RBM20: variants seen among roughly 807,000 people sequenced by gnomAD.
The protein encoded by RBM20 is RNA binding motif protein 20.
Under a neutral mutation model 110.1 loss-of-function variants are expected in RBM20, and 51 were observed. The ratio of observed to expected loss-of-function variants is 0.46; its 90% CI spans 0.37 to 0.59. RBM20 has a LOEUF of 0.59. RBM20 is among the 20% of genes least tolerant of loss of function. The probability of loss-of-function intolerance (pLI) is 0.00; values close to 1 mark genes in which losing one functional copy is unlikely to be tolerated. For missense variants in RBM20, 1,512 were observed against 1,574.9 expected, an observed-to-expected ratio of 0.96 and a Z score of 0.68; for synonymous variants, 589 against 618.2, an observed-to-expected ratio of 0.95 and a Z score of 0.70.
At chr10:110,711,651 G>C (rs1862931007) in intron 1 of RBM20, among the ~76,000 whole-genome samples, 2 of 152,320 alleles carry the variant, frequency 1.3e-5, no homozygotes, top group Admixed American at 1.3e-4. Context: ...AAAAAACGAA[G>C]GCATTCTATG....
intron 1 of RBM20, among the ~76,000 whole-genome samples, chr10:110,757,542 G>C (rs1409983755): frequency 6.6e-6 from 1 of 152,186 alleles, no homozygotes. Flanking sequence ...CTTAAACTTA[G>C]GATAGATTCC....
At chr10:110,823,675 A>G in intron 12 of RBM20, 61 bp downstream of exon 12, 1 of 1,515,210 alleles carries the variant, frequency 6.6e-7, no homozygotes, top group African/African-American at 1.4e-5. Context: ...TTCCATAGCA[A>G]CCTCAAGAGC....
chr10:110,715,376 TCACA>T (rs1366337365), intron 1 of RBM20, among the ~76,000 whole-genome samples: 1 of 152,246 alleles, frequency 6.6e-6, no homozygotes, highest in Non-Finnish European at 1.5e-5. Context: ...TCTTGTGTCA[TCACA>T]CTGTCTGCAG....
intron 1 of RBM20, among the ~76,000 whole-genome samples, chr10:110,734,671 C>A (rs1308812866): frequency 6.7e-6 from 1 of 149,740 alleles, no homozygotes; most frequent in Non-Finnish European, 1.5e-5. Flanking sequence ...CCCCCCAACC[C>A]ATTGAGGTCA....
chr10:110,746,009 A>T (rs1186438816), intron 1 of RBM20, among the ~76,000 whole-genome samples: 3 of 152,130 alleles, frequency 2.0e-5, no homozygotes, highest in Non-Finnish European at 4.4e-5. Context: ...ATTATTTCTC[A>T]TGATTCTGTG....
intron 1 of RBM20, among the ~76,000 whole-genome samples, chr10:110,726,736 C>T (rs776949463): frequency 3.9e-5 from 6 of 152,184 alleles, no homozygotes; most frequent in Non-Finnish European, 8.8e-5. Context: ...TCCTACAGCA[C>T]TTACTGAAAG....
intron 9 of RBM20, among the ~76,000 whole-genome samples, chr10:110,817,870 A>G (rs1844859565): frequency 6.6e-6 from 1 of 152,166 alleles, no homozygotes; most frequent in South Asian, 2.1e-4. Context: ...GAGTAACAGG[A>G]GGTGAGGCTG....
intron 1 of RBM20, among the ~76,000 whole-genome samples, chr10:110,722,715 G>A (rs1843522478): frequency 6.6e-6 from 1 of 152,086 alleles, no homozygotes; most frequent in African/African-American, 2.4e-5. Context: ...TTCTATTTGT[G>A]CCCCAGGTAA....
chr10:110,822,686 G>A (rs751312231), intron 11 of RBM20, among the ~76,000 whole-genome samples: 2 of 152,190 alleles, frequency 1.3e-5, no homozygotes, highest in African/African-American at 2.4e-5. Flanking sequence ...AGAGGTTGAA[G>A]TGAGAGTCAG....
In RBM20 at chr10:110,658,417, C is replaced by T. The variant is rs528093511; in HGVS notation, c.191+13772C>T. Among the ~76,000 whole-genome samples, 3 of 152,298 alleles carry T rather than the reference C, an allele frequency of 2.0e-5. No individual in the cohort carries two copies. The East Asian group carries it at 5.8e-4, about 29-fold the overall frequency. The stretch of plus-strand genomic sequence containing the variant: ...TATCCCAGTTAATCCTCCAACAACC[C>T]TGTGAAGTAGGTAGGGACTAAGTAA... On this transcript the variant is annotated intron_variant, in intron 1 of 13. Coordinates refer to ENST00000369519, the MANE Select transcript of RBM20 (RefSeq NM_001134363.3).
intron 1 of RBM20, among the ~76,000 whole-genome samples, chr10:110,655,363 ACT>A (rs758317122): frequency 6.8e-6 from 1 of 146,160 alleles, no homozygotes; most frequent in Non-Finnish European, 1.5e-5. Context: ...AACAAATCTG[ACT>A]CTGGCATTTG....
chr10:110,736,874 G>A (rs945042421), intron 1 of RBM20, among the ~76,000 whole-genome samples: 10 of 151,944 alleles, frequency 6.6e-5, no homozygotes, highest in African/African-American at 2.2e-4. Context: ...TGGGATTAGT[G>A]CTCTTATAAA....
intron 5 of RBM20, among the ~76,000 whole-genome samples, chr10:110,785,243 T>TGGA (rs1844406451): frequency 6.6e-6 from 1 of 152,200 alleles, no homozygotes; most frequent in Non-Finnish European, 1.5e-5. Flanking sequence ...CTTTTTTTAG[T>TGGA]GGAGAGTTGG....
Position 110,812,388 on chromosome 10 carries a change from C to G in RBM20, c.1991C>G (p.Pro664Arg), listed in dbSNP as rs1844780166. 6.4e-7 allele frequency: 1 copy of G among 1,551,700 alleles called. No homozygotes were observed. The highest frequency in any genetic ancestry group is 2.4e-5 in the East Asian group (1 of 40,910). ...AGCTCTTCCCACAGCCCTCCGGGCC[C>G]CTCCCGGGCTGACTGGGGCAATGGC... ...SCSSSHSPPGPSRADWGNGRD... is the reference protein window; with the variant it reads ...SCSSSHSPPGRSRADWGNGRD... Residue 664 changes from proline to arginine, a missense_variant, in exon 9 of 14, where the codon CCC becomes CGC. By Grantham distance (103) the Pro-to-Arg change is moderately radical. Around this residue, in one of 3 missense-constraint regions of RBM20, gnomAD observed 1,149 missense variants for 1,169.4 expected, o/e 0.98. Transcript: ENST00000369519.
At position 110,799,931 on chromosome 10, in the gene RBM20, C is replaced by T. The variant is rs1017922320; in HGVS notation, c.1800+13C>T. On this transcript the variant is annotated intron_variant, in intron 7 of 13. Coordinates refer to ENST00000369519, the MANE Select transcript of RBM20 (RefSeq NM_001134363.3). ...ATTGCAGCTCAAGGTAAAGCATTAT[C>T]TTGCTCATTCAGTCATTCAACAAGC... 6.4e-7 allele frequency: 1 copy of T among 1,551,478 alleles called. No homozygotes were observed. The highest frequency in any genetic ancestry group is 1.4e-5 in the African/African-American group (1 of 73,172).
intron 1 of RBM20, among the ~76,000 whole-genome samples, chr10:110,702,990 T>C (rs1002937361): frequency 9.0e-6 from 1 of 111,668 alleles, no homozygotes; most frequent in Non-Finnish European, 1.8e-5. Flanking sequence ...TTTTTTTTCT[T>C]GTTTTTTTTT....
chr10:110,799,639 T>G, intron 6 of RBM20, 148 bp from the exon 7 acceptor site: 10 of 714,482 alleles, frequency 1.4e-5, no homozygotes, highest in South Asian at 2.3e-5. Context: ...CATCCCCACC[T>G]GAGAGAGAAG....
At position 110,812,941 on chromosome 10, in the gene RBM20, G is replaced by A; in HGVS notation, c.2544G>A (p.Glu848=). The change falls in exon 9 of 14, where the codon GAG becomes GAA. Residue 848 remains glutamate (E), a synonymous_variant. Coordinates refer to ENST00000369519, the MANE Select transcript of RBM20 (RefSeq NM_001134363.3). The part of the protein sequence containing the change: ...ADDRKENTMA[E]NEAGKEEQEG... ...ATAGAAAAGAAAACACAATGGCAGA[G>A]AATGAGGTAATGATCAATTTCTTCC... 3 of 1,449,668 alleles carry A rather than the reference G, an allele frequency of 2.1e-6. No individual in the cohort carries two copies. The highest frequency in any genetic ancestry group is 2.7e-6 in the Non-Finnish European group (3 of 1,099,150). 89.8% of individuals were successfully genotyped at this position (1,449,668 alleles called of 1,614,324 possible).
chr10:110,723,166 T>G (rs140330844), intron 1 of RBM20, among the ~76,000 whole-genome samples: 1 of 151,800 alleles, frequency 6.6e-6, no homozygotes, highest in Admixed American at 6.6e-5. Context: ...AGGTGGGTAC[T>G]GTTTTGTTAA....
Sources: gnomAD v4.1 joint callset for allele counts (sites outside exome capture counted in the v4.1 genomes callset) on GRCh38, gnomAD v4.1.1 for gene constraint, gnomAD v4.1.1 regional missense constraint, MANE v1.5 for transcripts, NCBI Gene and HGNC (gene_info 2026-07-23, HGNC 2026-07-21) for gene names.